The following DOP1B variants were observed in gnomAD, a reference collection of about 807,000 sequenced individuals.
DOP1B encodes protein DOP1B.
In DOP1B, 174 loss-of-function variants were observed where a neutral mutation model predicts 233.5. The observed-to-expected ratio is 0.75, with a 90% CI of 0.66 to 0.85. DOP1B has a LOEUF of 0.85. Among genes scored for constraint, DOP1B ranks in the 40% least tolerant of loss-of-function variants. The pLI is 0.00. For synonymous variants in DOP1B, 1,190 were observed against 1,185.6 expected, an observed-to-expected ratio of 1.00 and a Z score of -0.08; for missense variants, 2,652 against 2,846.6, an observed-to-expected ratio of 0.93 and a Z score of 1.56.
At chr21:36,250,082 TAATTACGATA>T (rs2067015064) in intron 21 of DOP1B, among the ~76,000 whole-genome samples, 1 of 151,450 alleles carries the variant, frequency 6.6e-6, no homozygotes, top group South Asian at 2.1e-4. Context: ...AGGGAAAGAG[TAATTACGATA>T]AAGGCCGATG....
chr21:36,238,960 G>A (rs893784880), intron 17 of DOP1B, among the ~76,000 whole-genome samples: 18 of 152,128 alleles, frequency 1.2e-4, no homozygotes, highest in African/African-American at 3.1e-4. Flanking sequence ...AAAATTAGCT[G>A]GGCGTGGTGG....
intron 16 of DOP1B, among the ~76,000 whole-genome samples, chr21:36,238,179 A>C (rs528468827): frequency 6.6e-6 from 1 of 152,312 alleles, no homozygotes; most frequent in Admixed American, 6.5e-5. Context: ...AAAATAAATA[A>C]ATAAAAATAA....
chr21:36,204,658 ATTTT>A lies in DOP1B; in HGVS notation c.492-4044_492-4041del, dbSNP rs56725433. ...GCCACCCCTTTTGGCTGACATTTCT[ATTTT>A]TTTTTTTTTTTTGAGACAGTCTCGC... On this transcript the variant is annotated intron_variant, in intron 4 of 36. Transcript: ENST00000691173. Among the ~76,000 whole-genome samples the A allele has an allele frequency of 1.4e-3, 163 of 115,174 alleles. 3 individuals carry two copies. The East Asian group carries it at 0.029, about 21-fold the overall frequency. 75.6% of individuals were successfully genotyped at this position (115,174 alleles called of 152,430 possible).
rs371938493 is a variant in DOP1B at position 36,227,550 on chromosome 21, AAAAG to A, written c.1474-116_1474-113del. ...CTACAGAGCAAGACTCTGTCAAAAA[AAAAG>A]AAAGAAAGAAAGAAAGAAAATTAGT... is the stretch of plus-strand genomic sequence containing the variant. On this transcript the variant is annotated intron_variant, in intron 12 of 36. Transcript: ENST00000691173. 2,188 of 845,832 alleles carry A rather than the reference AAAAG, an allele frequency of 2.6e-3. 32 individuals are homozygous for A. The African/African-American group carries it at 0.028, about 11-fold the overall frequency. The allele number at this position is 845,832 out of a possible 1,614,324, so 52.4% of individuals were successfully genotyped here.
chr21:36,230,929 A>G lies in DOP1B; in HGVS notation c.2145A>G (p.Pro715=), dbSNP rs199514219. 28 of 1,614,170 alleles carry G rather than the reference A, an allele frequency of 1.7e-5. No homozygotes were observed. Among genetic ancestry groups the G allele is most frequent in the Middle Eastern group, 3.3e-4 (2 of 6,062 alleles). The change falls in exon 14 of 37, where the codon CCA becomes CCG. Residue 715 remains proline (P), a synonymous_variant. Coordinates refer to ENST00000691173, the MANE Select transcript of DOP1B (RefSeq NM_001320714.2). ...TCAAGACAAAAAGTTCAGAGTCACCATCGTCTTCGCCCAGCAGCCCTGCCA... is the reference window on the plus strand; with the variant it reads ...TCAAGACAAAAAGTTCAGAGTCACCGTCGTCTTCGCCCAGCAGCCCTGCCA... ...SPFKTKSSES[P]SSSPSSPARK... is the part of the protein sequence containing the mutation.
rs1320846852 is a variant in DOP1B at position 36,211,575 on chromosome 21, T to C, written c.704T>C (p.Leu235Pro). 1.5e-5 allele frequency: 25 copies of C among 1,614,226 alleles called. No individual in the cohort carries two copies. Among genetic ancestry groups the C allele is most frequent in the Non-Finnish European group, 2.1e-5 (25 of 1,180,032 alleles). ...QLTVKSLRAS[L>P]LDSNVLVQRN... ...CAGGTGAAGTCTTTGCGTGCCTCCC[T>C]GTTGGACTCAAATGTTCTTGTGCAA... is the stretch of plus-strand genomic sequence containing the variant. The change falls in exon 6 of 37, where the codon CTG (leucine) becomes CCG (proline). Residue 235 changes from leucine to proline, a missense_variant. Coordinates refer to ENST00000691173, the MANE Select transcript of DOP1B (RefSeq NM_001320714.2).
chr21:36,189,968 C>G (rs1172311677), intron 2 of DOP1B, among the ~76,000 whole-genome samples: 1 of 144,688 alleles, frequency 6.9e-6, no homozygotes, highest in Non-Finnish European at 1.5e-5. Context: ...CAAGATCACA[C>G]TACTGCACTC....
At chr21:36,169,550 A>G in intron 2 of DOP1B, 1 of 1,117,202 alleles carries the variant, frequency 9.0e-7, no homozygotes, top group Non-Finnish European at 1.4e-6. Flanking sequence ...GTCCAGCCCA[A>G]ACGCTTGGTT....
intron 10 of DOP1B, among the ~76,000 whole-genome samples, chr21:36,219,816 C>T (rs1174349300): frequency 6.6e-6 from 1 of 151,046 alleles, no homozygotes. Flanking sequence ...TTAACAAAGG[C>T]AGCTTGATCT....
rs1168396577 is a variant in DOP1B at position 36,214,123 on chromosome 21, T to A, written c.947T>A (p.Ile316Asn). 6.2e-7 allele frequency: 1 copy of A among 1,614,048 alleles called. No homozygotes were observed. The highest frequency in any genetic ancestry group is 8.5e-7 in the Non-Finnish European group (1 of 1,180,006). Residue 316 changes from isoleucine (I) to asparagine (N), a missense_variant, in exon 8 of 37, where the codon ATC (isoleucine) becomes AAC (asparagine). Physicochemically the swap from Ile to Asn is moderately radical, Grantham distance 149. Around this residue, in one of 3 missense-constraint regions of DOP1B, gnomAD observed 2,617 missense variants for 2,794.3 expected, o/e 0.94. Coordinates refer to ENST00000691173, the MANE Select transcript of DOP1B (RefSeq NM_001320714.2). ...AATACCGTTGTGCCAGAATCTGAAA[T>A]CTCAAATTCTTATGAAGACCAGTCG... ...KGNTVVPESE[I>N]SNSYEDQSSY...
chr21:36,283,451 A>C (rs1230647461), intron 32 of DOP1B, among the ~76,000 whole-genome samples: 1 of 152,210 alleles, frequency 6.6e-6, no homozygotes, highest in African/African-American at 2.4e-5. Flanking sequence ...TTACATATGC[A>C]ATAATAAAAC....
intron 4 of DOP1B, among the ~76,000 whole-genome samples, chr21:36,205,355 GT>G (rs937822859): frequency 3.0e-4 from 44 of 146,676 alleles, no homozygotes; most frequent in South Asian, 6.5e-4. Flanking sequence ...TGGAAGTTGG[GT>G]TTTTTTTTTT....
chr21:36,250,292 C>T (rs537494303), intron 21 of DOP1B, among the ~76,000 whole-genome samples: 2 of 152,198 alleles, frequency 1.3e-5, no homozygotes, highest in Non-Finnish European at 2.9e-5. Context: ...TCCGTCTCTT[C>T]GACAGACATT....
intron 5 of DOP1B, among the ~76,000 whole-genome samples, chr21:36,210,236 G>C (rs145884812): frequency 6.6e-6 from 1 of 152,004 alleles, no homozygotes; most frequent in African/African-American, 2.4e-5. Flanking sequence ...GGCTGGGTGC[G>C]GTGACTCATG....
chr21:36,249,263 A>G (rs1279911506), intron 21 of DOP1B, among the ~76,000 whole-genome samples: 1 of 152,054 alleles, frequency 6.6e-6, no homozygotes, highest in Non-Finnish European at 1.5e-5. Context: ...CCCCATCTCT[A>G]CAAAAAATAC....
At chr21:36,232,677 C>T in intron 14 of DOP1B, 127 bp from the exon 15 acceptor site, 3 of 1,282,232 alleles carry the variant, frequency 2.3e-6, no homozygotes, top group East Asian at 2.3e-5. Context: ...GGGAGGTTAG[C>T]GCACTGCTGT....
At chr21:36,170,198 C>A in intron 2 of DOP1B, 1 of 436,158 alleles carries the variant, frequency 2.3e-6, no homozygotes, top group African/African-American at 2.0e-5. Context: ...TCAAATTCCA[C>A]CGGTAGAGCT....
At chr21:36,184,845 TGCTGTAGC>T (rs1219676502) in intron 2 of DOP1B, among the ~76,000 whole-genome samples, 3 of 152,216 alleles carry the variant, frequency 2.0e-5, no homozygotes, top group Non-Finnish European at 4.4e-5. Context: ...GCGCCCAATC[TGCTGTAGC>T]GCTGAGGGTC....
chr21:36,275,923 G>T (rs2067344884), intron 27 of DOP1B, among the ~76,000 whole-genome samples: 1 of 152,144 alleles, frequency 6.6e-6, no homozygotes, highest in Non-Finnish European at 1.5e-5. Flanking sequence ...CTGCTGGGTA[G>T]TTAGGCAGTA....
Sources: allele counts gnomAD v4.1 joint callset (sites outside exome capture counted in the v4.1 genomes callset), GRCh38; gene constraint gnomAD v4.1.1; regional missense constraint gnomAD v4.1.1; transcripts MANE v1.5; gene names NCBI Gene and HGNC (gene_info 2026-07-23, HGNC 2026-07-21).